CCP110: variants seen among roughly 807,000 people sequenced by gnomAD.
CCP110 encodes centriolar coiled-coil protein of 110 kDa.
A neutral mutation model predicts 105.5 loss-of-function variants in CCP110; 43 were observed. The ratio of observed to expected loss-of-function variants is 0.41; its 90% CI spans 0.32 to 0.53. The LOEUF (loss-of-function observed/expected upper bound fraction) is 0.53. Ranked by LOEUF, CCP110 falls within the 20% of genes least tolerant of loss-of-function variation. The probability of loss-of-function intolerance (pLI) is 0.32; values close to 1 mark genes in which losing one functional copy is unlikely to be tolerated. For synonymous variants in CCP110, 353 were observed against 392.1 expected (o/e 0.90, Z 1.18); for missense variants, 1,016 against 1,189.1 (o/e 0.85, Z 2.14).
intron 14 of CCP110, among the ~76,000 whole-genome samples, chr16:19,550,727 G>A (rs1414525033): frequency 6.6e-6 from 1 of 152,206 alleles, no homozygotes; most frequent in African/African-American, 2.4e-5. Flanking sequence ...ATTCTAAAAT[G>A]TTAAAGTATG....
Position 19,538,302 on chromosome 16 carries a change from CTTTTTTTTTTTTT to C in CCP110, c.1918+731_1918+743del, listed in dbSNP as rs1164690143. On this transcript the variant is annotated intron_variant, in intron 4 of 14. Transcript: ENST00000381396. ...ATATTAATAATTGGAGGAAACAGTT[CTTTTTTTTTTTTT>C]TTTTTTTTTTTTTTTGAGACAGTCT... Among the ~76,000 whole-genome samples, 371 of 55,264 alleles carry C rather than the reference CTTTTTTTTTTTTT, an allele frequency of 6.7e-3. 11 individuals are homozygous for C. Among genetic ancestry groups the C allele is most frequent in the African/African-American group, 0.026 (292 of 11,104 alleles). The allele number at this position is 55,264 out of a possible 152,430, so 36.3% of individuals were successfully genotyped here. A position where few individuals can be genotyped will look rare whatever the true frequency, so the allele number is the denominator to read the frequency against.
chr16:19,531,066 C>G (rs1969850413), intron 2 of CCP110, among the ~76,000 whole-genome samples: 1 of 152,220 alleles, frequency 6.6e-6, no homozygotes, highest in Non-Finnish European at 1.5e-5. Flanking sequence ...CCAGATGGCT[C>G]TTTAAAGTAC....
Position 19,537,551 on chromosome 16 carries a change from G to A in CCP110, c.1882G>A (p.Val628Ile), listed in dbSNP as rs17853681. Reference sequence around the variant, plus strand: ...AAGATACCCTAAGGGATCTGGCTTCGTTAACAAGAATAAAATGTTAGGAAC... The same window carrying A: ...AAGATACCCTAAGGGATCTGGCTTCATTAACAAGAATAAAATGTTAGGAAC... The change falls in exon 4 of 15, where the codon GTT becomes ATT. Residue 628 changes from valine to isoleucine, a missense_variant. Physicochemically the swap from Val to Ile is conservative, Grantham distance 29. Transcript: ENST00000381396. 41 of 1,583,474 alleles carry A rather than the reference G, an allele frequency of 2.6e-5. No homozygotes were observed. Among genetic ancestry groups the A allele is most frequent in the East Asian group, 8.9e-5 (4 of 44,778 alleles).
At position 19,548,264 on chromosome 16, in the gene CCP110, A is replaced by G. The variant is rs920389732; in HGVS notation, c.2900+250A>G. On this transcript the variant is annotated intron_variant, in intron 13 of 14. Coordinates refer to ENST00000381396, the Ensembl canonical transcript of CCP110. This position sits in a 1 kb window ranked among gnomAD's most constrained non-coding sequence, Gnocchi z 4.1. ...TTTCATTTCATACCATTTTACTCAT[A>G]AAGTATTTTAAATATCCATATAGTA... is the stretch of plus-strand genomic sequence containing the variant. 3.0e-5 allele frequency: 17 copies of G among 575,062 alleles called. No homozygotes were observed. Among genetic ancestry groups the G allele is most frequent in the South Asian group, 2.8e-4 (12 of 42,540 alleles). 35.6% of individuals were successfully genotyped at this position (575,062 alleles called of 1,614,324 possible).
rs943240406 is a variant in CCP110, at chr16:19,540,798, T to C, written c.2049+11T>C. 4 of 1,610,328 alleles carry C rather than the reference T, an allele frequency of 2.5e-6. No homozygotes were observed. The highest frequency in any genetic ancestry group is 3.4e-6 in the Non-Finnish European group (4 of 1,178,840). Reference sequence around the variant, plus strand: ...GAAAGACTGCAAAAGGTGAGGAATGTGGAGGGAGATACAACTGGTAAGTGA... The same window carrying C: ...GAAAGACTGCAAAAGGTGAGGAATGCGGAGGGAGATACAACTGGTAAGTGA... On this transcript the variant is annotated intron_variant, in intron 5 of 14. Coordinates refer to ENST00000381396, the Ensembl canonical transcript of CCP110.
At chr16:19,550,337 G>A (rs1370605194) in intron 14 of CCP110, among the ~76,000 whole-genome samples, 1 of 152,078 alleles carries the variant, frequency 6.6e-6, no homozygotes, top group South Asian at 2.1e-4. Context: ...ATTTTTAGTA[G>A]AGATGGGGTT....
intron 6 of CCP110, 141 bp downstream of exon 6, chr16:19,542,205 A>C (rs1225953728): frequency 3.4e-6 from 2 of 587,628 alleles, no homozygotes; most frequent in African/African-American, 3.8e-5. Context: ...TAACCAGTGA[A>C]AAATGACATG....
At chr16:19,530,457 C>A (rs1328740458) in intron 2 of CCP110, among the ~76,000 whole-genome samples, 2 of 151,834 alleles carry the variant, frequency 1.3e-5, no homozygotes, top group African/African-American at 4.8e-5. Flanking sequence ...ACCAGCCTGG[C>A]CAACATGACG....
At chr16:19,533,018 A>G (rs1388196690) in intron 3 of CCP110, among the ~76,000 whole-genome samples, 1 of 151,604 alleles carries the variant, frequency 6.6e-6, no homozygotes, top group Non-Finnish European at 1.5e-5. Flanking sequence ...CCTATGTCTA[A>G]AAACTATTTA....
chr16:19,551,266 G>A (rs767536297), exon 15 of CCP110: 4 of 1,597,414 alleles, frequency 2.5e-6, no homozygotes, highest in Non-Finnish European at 3.4e-6. Context: ...ACATTCATTA[G>A]GATAAAATGG....
At chr16:19,536,697 T>G in exon 4 of CCP110, 1 of 1,614,188 alleles carries the variant, frequency 6.2e-7, no homozygotes, top group Non-Finnish European at 8.5e-7. Flanking sequence ...GATTTTAAAG[T>G]TATTCCCACT....
At chr16:19,541,581 G>A (rs567555005) in intron 5 of CCP110, among the ~76,000 whole-genome samples, 6 of 148,698 alleles carry the variant, frequency 4.0e-5, no homozygotes, top group Admixed American at 2.0e-4. Context: ...AACCGAGATC[G>A]TGCCACTGCA....
At chr16:19,534,967 G>T (rs999925466) in intron 3 of CCP110, among the ~76,000 whole-genome samples, 7 of 136,518 alleles carry the variant, frequency 5.1e-5, no homozygotes, top group Non-Finnish European at 1.1e-4. Flanking sequence ...TGCAAGCTCC[G>T]CCTCCCAGAT....
intron 2 of CCP110, among the ~76,000 whole-genome samples, chr16:19,530,066 G>A (rs938049817): frequency 3.9e-5 from 6 of 151,926 alleles, no homozygotes; most frequent in South Asian, 4.2e-4. Flanking sequence ...GTGTGGTGGC[G>A]CGCACCAGGA....
chr16:19,529,174 GT>G (rs1969779863), intron 2 of CCP110, among the ~76,000 whole-genome samples: 1 of 152,206 alleles, frequency 6.6e-6, no homozygotes, highest in Non-Finnish European at 1.5e-5. Flanking sequence ...AACCATTTGG[GT>G]TTTTCAAAGG....
rs1969595635 is a variant in CCP110 at position 19,524,396 on chromosome 16, A to C, written c.-16+308A>C. Among the ~76,000 whole-genome samples, 4 of 150,314 alleles carry C rather than the reference A, an allele frequency of 2.7e-5. No homozygotes were observed. The South Asian group carries it at 8.4e-4, about 32-fold the overall frequency. On this transcript the variant is annotated intron_variant, in intron 1 of 14. Coordinates refer to ENST00000381396, the Ensembl canonical transcript of CCP110. ...GGCAGGGGGCCGTCCCTGGTGAATA[A>C]AACTCGGGCCAGAGCCGGAGAACCC... is the stretch of plus-strand genomic sequence containing the variant.
At chr16:19,526,582 T>C (rs993170927) in intron 1 of CCP110, 8 of 152,218 alleles carry the variant, frequency 5.3e-5, no homozygotes, top group Non-Finnish European at 1.0e-4. Flanking sequence ...TAATTACAAT[T>C]GATTGAATAG....
intron 2 of CCP110, among the ~76,000 whole-genome samples, chr16:19,528,677 C>T (rs1969758938): frequency 6.6e-6 from 1 of 152,070 alleles, no homozygotes; most frequent in Non-Finnish European, 1.5e-5. Flanking sequence ...AAGAGGATTG[C>T]TTGAGACCAG....
chr16:19,547,807 G>T, intron 12 of CCP110, 148 bp from the exon 13 acceptor site: 1 of 620,984 alleles, frequency 1.6e-6, no homozygotes, highest in Non-Finnish European at 2.9e-6. Flanking sequence ...TGCTTTAGTC[G>T]ATTTGCTCTG....
Sources: gnomAD v4.1 joint callset for allele counts (sites outside exome capture counted in the v4.1 genomes callset) on GRCh38, gnomAD v4.1.1 for gene constraint, Gnocchi (gnomAD v3.1) non-coding constraint, MANE v1.5 for transcripts, NCBI Gene and HGNC (gene_info 2026-07-23, HGNC 2026-07-21) for gene names.